The following CPAMD8 variants were observed in gnomAD, a reference collection of about 807,000 sequenced individuals.
The protein encoded by CPAMD8 is C3 and PZP-like alpha-2-macroglobulin domain-containing protein 8.
A neutral mutation model predicts 224.7 loss-of-function variants in CPAMD8; 146 were observed. The ratio of observed to expected loss-of-function variants is 0.65; its 90% CI spans 0.57 to 0.75. The LOEUF (loss-of-function observed/expected upper bound fraction) is 0.75, where lower values mean the gene tolerates loss of function less well. Ranked by LOEUF, CPAMD8 falls within the 30% of genes least tolerant of loss-of-function variation. The pLI, the probability that CPAMD8 is intolerant of heterozygous loss-of-function variation, is 0.00. For missense variants in CPAMD8, 2,301 were observed against 2,537.5 expected (o/e 0.91, Z 2.00); for synonymous variants, 966 against 1,044.6 (o/e 0.92, Z 1.45).
Position 17,011,490 on chromosome 19 carries a change from G to C in CPAMD8, c.460C>G (p.Pro154Ala), listed in dbSNP as rs904454302. The C allele has an allele frequency of 6.2e-7, 1 of 1,614,088 alleles. No individual in the cohort carries two copies. Among genetic ancestry groups the C allele is most frequent in the Non-Finnish European group, 8.5e-7 (1 of 1,180,044 alleles). ...RVLISIFTVS[P>A]NLRPVNEKLE... is the part of the protein sequence containing the mutation. ...TTCTCGTTGACAGGCCTCAGATTTG[G>C]AGAGACGGTGAAGATGCTTATGAGC... The change falls in exon 5 of 42, where the codon CCA becomes GCA. Residue 154 changes from proline (P) to alanine (A), a missense_variant. Transcript: ENST00000443236.
intron 26 of CPAMD8, among the ~76,000 whole-genome samples, chr19:16,922,472 C>T (rs972088385): frequency 2.0e-5 from 3 of 151,912 alleles, no homozygotes; most frequent in Non-Finnish European, 2.9e-5. Context: ...CTCCACACCA[C>T]ACCTGGGGTC....
rs559536478 is a variant in CPAMD8, at chr19:16,977,647, C to T, written c.1586-107G>A. ...TTGCCCTGCGCTATGCTCCTGTCTA[C>T]GCATTGAGACAGTCTGCATCTTTGG... On this transcript the variant is annotated intron_variant, in intron 14 of 41. Transcript: ENST00000443236. 6.0e-4 allele frequency: 450 copies of T among 744,732 alleles called. 1 individual carries two copies. The highest frequency in any genetic ancestry group is 4.1e-3 in the East Asian group (146 of 35,234). The allele number at this position is 744,732 out of a possible 1,614,324, so 46.1% of individuals were successfully genotyped here. A position where few individuals can be genotyped will look rare whatever the true frequency, so the allele number is the denominator to read the frequency against.
intron 11 of CPAMD8, among the ~76,000 whole-genome samples, chr19:16,996,516 G>A (rs536720595): frequency 3.3e-5 from 5 of 152,118 alleles, no homozygotes; most frequent in South Asian, 2.1e-4. Flanking sequence ...GTCCTCAGGG[G>A]ATAAAATCAA....
At position 16,947,125 on chromosome 19, in the gene CPAMD8, G is replaced by C; in HGVS notation, c.2611C>G (p.Pro871Ala). The C allele has an allele frequency of 6.2e-7, 1 of 1,613,594 alleles. No homozygotes were observed. Among genetic ancestry groups the C allele is most frequent in the Non-Finnish European group, 8.5e-7 (1 of 1,179,700 alleles). ...KMCVAPGEAE[P>A]IWVVLSFSDL... ...CTGAAGGACAGAACGACCCAGATGG[G>C]CTCAGCCTCCCCGGGGGCCACACAC... The change falls in exon 21 of 42, where the codon CCC (proline) becomes GCC (alanine). Residue 871 changes from proline to alanine, a missense_variant. Coordinates refer to ENST00000443236, the MANE Select transcript of CPAMD8 (RefSeq NM_015692.5).
chr19:16,976,344 C>T (rs1181073859), intron 15 of CPAMD8, among the ~76,000 whole-genome samples, 193 bp from the exon 16 acceptor site: 1 of 151,974 alleles, frequency 6.6e-6, no homozygotes, highest in African/African-American at 2.4e-5. Flanking sequence ...GGCATGGTGG[C>T]AGGTGCCTGT....
At chr19:16,923,309 T>C (rs1369283780) in intron 26 of CPAMD8, among the ~76,000 whole-genome samples, 1 of 152,104 alleles carries the variant, frequency 6.6e-6, no homozygotes, top group Admixed American at 6.5e-5. Context: ...ACCCTCCCAG[T>C]GTGCAATGAT....
chr19:16,922,771 AC>A (rs1273823829), intron 26 of CPAMD8, among the ~76,000 whole-genome samples: 1 of 151,668 alleles, frequency 6.6e-6, no homozygotes, highest in Non-Finnish European at 1.5e-5. Context: ...GGTCCTTGAA[AC>A]TACCCTATAC....
chr19:16,975,868 T>C (rs1568550736), intron 16 of CPAMD8, 134 bp downstream of exon 16: 3 of 939,510 alleles, frequency 3.2e-6, no homozygotes, highest in African/African-American at 1.7e-5. Context: ...CCCTGAAAAA[T>C]GAACCCGACG....
At chr19:17,015,372 C>T (rs886876736) in intron 3 of CPAMD8, among the ~76,000 whole-genome samples, 4 of 152,194 alleles carry the variant, frequency 2.6e-5, no homozygotes, top group African/African-American at 7.2e-5. Context: ...GTGACCATCA[C>T]GGGGAACAAT....
intron 18 of CPAMD8, among the ~76,000 whole-genome samples, chr19:16,967,880 T>TATACACACACGTGTGTATATATGTGC (rs2054891588): frequency 1.0e-5 from 1 of 99,518 alleles, no homozygotes; most frequent in Non-Finnish European, 2.1e-5. Flanking sequence ...TATGTGCATA[T>TATACACACACGTGTGTATATATGTGC]ATACACACAC....
Position 16,970,956 on chromosome 19 carries a change from A to T in CPAMD8, c.2148T>A (p.Ala716=). ...CTGTGTGGGGCTGGAAAGCGGGGAC[A>T]GCCTCATCGGTGTAGAGGCCACCGT... ...RQDGGLYTDE[A]VPAFQPHTGS... is the part of the protein sequence containing the mutation. The change falls in exon 18 of 42, where the codon GCT becomes GCA. Residue 716 remains alanine, a synonymous_variant. Transcript: ENST00000443236. 6.2e-7 allele frequency: 1 copy of T among 1,613,934 alleles called. No homozygotes were observed. The highest frequency in any genetic ancestry group is 8.5e-7 in the Non-Finnish European group (1 of 1,179,900).
chr19:17,025,653 C>A (rs2057061346), intron 1 of CPAMD8, among the ~76,000 whole-genome samples: 1 of 152,120 alleles, frequency 6.6e-6, no homozygotes, highest in African/African-American at 2.4e-5. Flanking sequence ...CATTTCCCAG[C>A]GGCCTCAGGG....
chr19:16,981,365 A>AAT (rs1164409747), intron 13 of CPAMD8, among the ~76,000 whole-genome samples: 4 of 152,104 alleles, frequency 2.6e-5, no homozygotes, highest in African/African-American at 9.7e-5. Flanking sequence ...TGTCTCCAAA[A>AAT]AAAAATAAAA....
intron 10 of CPAMD8, among the ~76,000 whole-genome samples, chr19:16,998,687 CATT>C (rs2056212560): frequency 6.6e-6 from 1 of 152,018 alleles, no homozygotes; most frequent in African/African-American, 2.4e-5. Context: ...CACAATGTAA[CATT>C]ATGCTGAAAG....
intron 3 of CPAMD8, among the ~76,000 whole-genome samples, chr19:17,019,860 A>C (rs1416723458): frequency 6.7e-6 from 1 of 149,742 alleles, no homozygotes; most frequent in Non-Finnish European, 1.5e-5. Context: ...TGAGCATGGC[A>C]CCCAGCCTCA....
intron 41 of CPAMD8, chr19:16,893,679 G>A (rs564070659): frequency 4.1e-6 from 1 of 245,714 alleles, no homozygotes; most frequent in East Asian, 7.6e-5. Context: ...TCTGGGCCTG[G>A]GGGCCCTGGG....
chr19:16,989,837 C>CA, intron 12 of CPAMD8, 66 bp from the exon 13 acceptor site: 1 of 1,486,928 alleles, frequency 6.7e-7, no homozygotes, highest in South Asian at 1.2e-5. Context: ...CTTGGGGATG[C>CA]TTCTGCTTGC....
chr19:17,026,307 C>A (rs1185707000), intron 1 of CPAMD8, among the ~76,000 whole-genome samples: 1 of 152,170 alleles, frequency 6.6e-6, no homozygotes, highest in Non-Finnish European at 1.5e-5. Flanking sequence ...ACGAAGGGGG[C>A]GAGGTGGGGC....
chr19:17,015,088 A>T (rs2056776039), intron 3 of CPAMD8, among the ~76,000 whole-genome samples: 1 of 152,184 alleles, frequency 6.6e-6, no homozygotes, highest in African/African-American at 2.4e-5. Flanking sequence ...CTGAAAATAC[A>T]AAAATTAGCC....
Sources: allele counts gnomAD v4.1 joint callset (sites outside exome capture counted in the v4.1 genomes callset), GRCh38; gene constraint gnomAD v4.1.1; transcripts MANE v1.5; gene names NCBI Gene and HGNC (gene_info 2026-07-23, HGNC 2026-07-21).